SPICE1: variants seen among roughly 807,000 people sequenced by gnomAD.
The protein encoded by SPICE1 is spindle and centriole-associated protein 1.
In SPICE1, 75 loss-of-function variants were observed where a neutral mutation model predicts 102.7. The observed-to-expected ratio is 0.73, with a 90% CI of 0.61 to 0.88. The LOEUF (loss-of-function observed/expected upper bound fraction) is 0.88, where lower values mean the gene tolerates loss of function less well. Among genes scored for constraint, SPICE1 ranks in the 40% least tolerant of loss-of-function variants. The probability of loss-of-function intolerance (pLI) is 0.00; values close to 1 mark genes in which losing one functional copy is unlikely to be tolerated. For synonymous variants in SPICE1, 308 were observed against 350.3 expected, an observed-to-expected ratio of 0.88 and a Z score of 1.35; for missense variants, 979 against 1,020.1, an observed-to-expected ratio of 0.96 and a Z score of 0.55.
rs6782337 is a variant in SPICE1 at position 113,475,179 on chromosome 3, T to C, written c.612-5941A>G. Among the ~76,000 whole-genome samples, 1,249 of 151,808 alleles carry C rather than the reference T, an allele frequency of 8.2e-3. 21 individuals carry two copies. Among genetic ancestry groups the C allele is most frequent in the African/African-American group, 0.029 (1,187 of 41,448 alleles). On this transcript the variant is annotated intron_variant, in intron 7 of 17. Transcript: ENST00000295872. The stretch of plus-strand genomic sequence containing the variant: ...ACCTCTACGCAAATAAACTAGAAAA[T>C]CTAGAAGAAATGGATAAATTCCTCG...
chr3:113,467,992 T>C lies in SPICE1; in HGVS notation c.1155+147A>G, dbSNP rs190328560. Reference sequence around the variant, plus strand: ...AGAAAAGACTTAAAGGATAAGCCTTTACTGCAGATAATCTAAAACTGAGGT... The same window carrying C: ...AGAAAAGACTTAAAGGATAAGCCTTCACTGCAGATAATCTAAAACTGAGGT... On this transcript the variant is annotated intron_variant, in intron 10 of 17. Transcript: ENST00000295872. The C allele has an allele frequency of 1.1e-4, 113 of 994,316 alleles. 1 individual carries two copies. In the East Asian group the frequency reaches 2.9e-3, roughly 25 times the overall value. 61.6% of individuals were successfully genotyped at this position (994,316 alleles called of 1,614,324 possible). A position where few individuals can be genotyped will look rare whatever the true frequency, so the allele number is the denominator to read the frequency against.
chr3:113,452,973 G>GTT (rs1470512119), intron 14 of SPICE1, among the ~76,000 whole-genome samples: 1 of 151,840 alleles, frequency 6.6e-6, no homozygotes, highest in Non-Finnish European at 1.5e-5. Context: ...GCAAGACTCC[G>GTT]TCTCAAAAAA....
chr3:113,471,806 G>A (rs1367833129), intron 7 of SPICE1, among the ~76,000 whole-genome samples: 1 of 152,148 alleles, frequency 6.6e-6, no homozygotes, highest in Non-Finnish European at 1.5e-5. Flanking sequence ...TTCGGGAAGG[G>A]CAGCCAAGGT....
In SPICE1 at chr3:113,448,113, G is replaced by A. The variant is rs963729584; in HGVS notation, c.2351C>T (p.Ser784Phe). 1.2e-6 allele frequency: 2 copies of A among 1,611,206 alleles called. No individual in the cohort carries two copies. Among genetic ancestry groups the A allele is most frequent in the East Asian group, 2.2e-5 (1 of 44,834 alleles). ...TEGAKRTIEVSIPGAEAPESS... is the reference protein window; with the variant it reads ...TEGAKRTIEVFIPGAEAPESS... Reference sequence around the variant, plus strand: ...TTCTGGGGCTTCTGCTCCTGGAATAGATACCTCAATTGTCCTCTTTGCTCC... The same window carrying A: ...TTCTGGGGCTTCTGCTCCTGGAATAAATACCTCAATTGTCCTCTTTGCTCC... The change falls in exon 16 of 18, where the codon TCT (serine) becomes TTT (phenylalanine). Residue 784 changes from serine (S) to phenylalanine (F), a missense_variant. Ser to Phe is a radical substitution (Grantham distance 155, BLOSUM62 -2). Transcript: ENST00000295872.
At position 113,468,484 on chromosome 3, in the gene SPICE1, T is replaced by C. The variant is rs369429706; in HGVS notation, c.890-80A>G. 4.9e-5 allele frequency: 71 copies of C among 1,462,276 alleles called. 1 individual carries two copies. The African/African-American group carries it at 7.8e-4, about 16-fold the overall frequency. 90.6% of individuals were successfully genotyped at this position (1,462,276 alleles called of 1,614,324 possible). A position where few individuals can be genotyped will look rare whatever the true frequency, so the allele number is the denominator to read the frequency against. On this transcript the variant is annotated intron_variant, in intron 9 of 17. Transcript: ENST00000295872. ...AACTACTAGAAAAATCTTTTGACTA[T>C]TGTTCACAATTTATAAAAGGCTTGT... is the stretch of plus-strand genomic sequence containing the variant.
chr3:113,489,847 CAAAA>C (rs35823502), intron 6 of SPICE1, among the ~76,000 whole-genome samples: 22,204 of 79,662 alleles, frequency 0.28, 1,775 homozygotes, highest in Middle Eastern at 0.35. Context: ...GACCCTGTCT[CAAAA>C]AAAAAAAAAA....
At chr3:113,504,464 G>A (rs116678700) in intron 2 of SPICE1, among the ~76,000 whole-genome samples, 4,786 of 151,112 alleles carry the variant, frequency 0.032, 257 homozygotes, top group African/African-American at 0.11. Flanking sequence ...GGTGGTGTGC[G>A]CTTGTAGTCT....
At chr3:113,480,381 C>A (rs1936463314) in intron 7 of SPICE1, among the ~76,000 whole-genome samples, 1 of 152,088 alleles carries the variant, frequency 6.6e-6, no homozygotes, top group East Asian at 1.9e-4. Context: ...CGCATTGTTA[C>A]TTCAATCTGA....
At chr3:113,469,685 T>TA (rs1936151627) in intron 7 of SPICE1, among the ~76,000 whole-genome samples, 1 of 152,038 alleles carries the variant, frequency 6.6e-6, no homozygotes, top group Admixed American at 6.6e-5. Context: ...CTATAACTGA[T>TA]AAGACAGGTA....
intron 7 of SPICE1, among the ~76,000 whole-genome samples, chr3:113,488,392 C>A (rs2107489861): frequency 6.6e-6 from 1 of 152,228 alleles, no homozygotes; most frequent in Admixed American, 6.5e-5. Context: ...GTGGTATAGA[C>A]ACACCATGGA....
intron 7 of SPICE1, among the ~76,000 whole-genome samples, chr3:113,480,211 G>GTA (rs1936458668): frequency 6.6e-6 from 1 of 151,756 alleles, no homozygotes; most frequent in African/African-American, 2.4e-5. Flanking sequence ...AAGTTACTAT[G>GTA]GCACTTCCCC....
At chr3:113,475,237 G>A (rs1294322909) in intron 7 of SPICE1, among the ~76,000 whole-genome samples, 1 of 152,184 alleles carries the variant, frequency 6.6e-6, no homozygotes, top group Non-Finnish European at 1.5e-5. Flanking sequence ...AAACCAGGAA[G>A]AAGTTGAATC....
chr3:113,468,508 G>A (rs1414561229), intron 9 of SPICE1, 104 bp from the exon 10 acceptor site: 13 of 1,315,106 alleles, frequency 9.9e-6, no homozygotes, highest in Non-Finnish European at 1.2e-5. Context: ...TAAAAGGCTT[G>A]TATAGACGAT....
chr3:113,508,740 C>A (rs1448728706), intron 1 of SPICE1, among the ~76,000 whole-genome samples: 1 of 152,162 alleles, frequency 6.6e-6, no homozygotes, highest in South Asian at 2.1e-4. Flanking sequence ...CATGACCCAG[C>A]AATTCAACTC....
chr3:113,503,315 G>A, intron 2 of SPICE1, 88 bp from the exon 3 acceptor site: 1 of 1,316,888 alleles, frequency 7.6e-7, no homozygotes, highest in Non-Finnish European at 1.0e-6. Context: ...GGCTAAAATG[G>A]TTTCAAAATC....
At chr3:113,485,017 C>T (rs192939160) in intron 7 of SPICE1, among the ~76,000 whole-genome samples, 4 of 152,222 alleles carry the variant, frequency 2.6e-5, no homozygotes, top group East Asian at 3.9e-4. Context: ...CCTGAGGAAC[C>T]TTGCACTCTG....
intron 7 of SPICE1, among the ~76,000 whole-genome samples, chr3:113,485,079 C>T (rs1029543127): frequency 2.6e-5 from 4 of 152,124 alleles, no homozygotes; most frequent in Non-Finnish European, 5.9e-5. Context: ...GGCCAAGAGA[C>T]TCCCTCCAGT....
chr3:113,469,818 T>A (rs1013662698), intron 7 of SPICE1, among the ~76,000 whole-genome samples: 1 of 152,182 alleles, frequency 6.6e-6, no homozygotes, highest in African/African-American at 2.4e-5. Flanking sequence ...GTGGTATGGC[T>A]CCATCCTCCT....
chr3:113,486,210 C>CATAT (rs60309507), intron 7 of SPICE1, among the ~76,000 whole-genome samples: 1,692 of 141,012 alleles, frequency 0.012, 39 homozygotes, highest in African/African-American at 0.034. Context: ...TGACCATTCT[C>CATAT]ATATATATAT....
Sources: allele counts gnomAD v4.1 joint callset (sites outside exome capture counted in the v4.1 genomes callset), GRCh38; gene constraint gnomAD v4.1.1; transcripts MANE v1.5; gene names NCBI Gene and HGNC (gene_info 2026-07-23, HGNC 2026-07-21).